The following MPP7 variants were observed in gnomAD, a reference collection of about 807,000 sequenced individuals.
MPP7 encodes the protein MAGUK p55 scaffold protein 7.
In MPP7, 60 loss-of-function variants were observed where a neutral mutation model predicts 76.5. That is an observed-to-expected ratio of 0.78 (90% CI 0.64 to 0.97). The LOEUF is 0.97. Ranked by LOEUF, MPP7 falls within the 50% of genes least tolerant of loss-of-function variation. The pLI, the probability that MPP7 is intolerant of heterozygous loss-of-function variation, is 0.00. For synonymous variants in MPP7, 237 were observed against 244.5 expected, an observed-to-expected ratio of 0.97 and a Z score of 0.29; for missense variants, 641 against 694.0, an observed-to-expected ratio of 0.92 and a Z score of 0.86.
At chr10:28,118,065 C>T (rs539988437) in intron 11 of MPP7, 113 of 962,566 alleles carry the variant, frequency 1.2e-4, no homozygotes, top group South Asian at 1.1e-3. Flanking sequence ...AAGATAAATG[C>T]TAGAATAAAT....
At chr10:28,306,849 G>T (rs1841261211), upstream of MPP7, among the ~76,000 whole-genome samples, 1 of 152,128 alleles carries the variant, frequency 6.6e-6, no homozygotes, top group Non-Finnish European at 1.5e-5. Flanking sequence ...AAAGCCAGGA[G>T]GAACTCAATG....
At chr10:28,078,392 G>A (rs1852596760) in intron 12 of MPP7, among the ~76,000 whole-genome samples, 1 of 152,208 alleles carries the variant, frequency 6.6e-6, no homozygotes, top group Admixed American at 6.5e-5. Context: ...GACCAGGCCT[G>A]GGCCACAGAC....
At chr10:28,135,154 T>C (rs1194903577) in intron 5 of MPP7, among the ~76,000 whole-genome samples, 1 of 151,918 alleles carries the variant, frequency 6.6e-6, no homozygotes, top group Non-Finnish European at 1.5e-5. Flanking sequence ...CAGGCTGTGA[T>C]GGGGAAAAAG....
intron 12 of MPP7, among the ~76,000 whole-genome samples, chr10:28,077,677 C>CT (rs1208694422): frequency 6.6e-6 from 1 of 152,176 alleles, no homozygotes; most frequent in African/African-American, 2.4e-5. Context: ...TACGCCTCTG[C>CT]AATAGGATAG....
At chr10:28,118,561 G>C in intron 11 of MPP7, 1 of 985,408 alleles carries the variant, frequency 1.0e-6, no homozygotes, top group Non-Finnish European at 1.2e-6. Context: ...GAGTTGGCCA[G>C]TGAAAAGTCA....
chr10:28,056,248 C>T (rs1393188273), intron 16 of MPP7, among the ~76,000 whole-genome samples: 1 of 151,962 alleles, frequency 6.6e-6, no homozygotes, highest in Non-Finnish European at 1.5e-5. Flanking sequence ...CTCTCAGTCT[C>T]CTGGGGTCTT....
intron 1 of MPP7, among the ~76,000 whole-genome samples, chr10:28,300,143 T>G (rs970911477): frequency 3.3e-5 from 5 of 152,202 alleles, no homozygotes; most frequent in Admixed American, 1.3e-4. Flanking sequence ...AGTACCTTTG[T>G]ATCTTTGTCA....
chr10:28,201,433 T>C (rs1250496295), intron 3 of MPP7, among the ~76,000 whole-genome samples: 2 of 152,170 alleles, frequency 1.3e-5, no homozygotes, highest in African/African-American at 4.8e-5. Context: ...ACTCTAAATT[T>C]CTTTCAGCTT....
chr10:28,172,641 A>G (rs1836721945), intron 3 of MPP7, among the ~76,000 whole-genome samples: 1 of 152,224 alleles, frequency 6.6e-6, no homozygotes, highest in Admixed American at 6.5e-5. Flanking sequence ...TAAAGCATGA[A>G]AGAACTCGAT....
chr10:28,132,185 T>C (rs527868351), intron 5 of MPP7, among the ~76,000 whole-genome samples: 1 of 152,326 alleles, frequency 6.6e-6, no homozygotes, highest in South Asian at 2.1e-4. Flanking sequence ...TTTTGTCTTT[T>C]TCCTCACTTT....
chr10:28,220,005 A>T (rs1170521629), intron 2 of MPP7, among the ~76,000 whole-genome samples: 1 of 152,172 alleles, frequency 6.6e-6, no homozygotes, highest in African/African-American at 2.4e-5. Flanking sequence ...TCAACTGCAA[A>T]TAACTTATTA....
At position 28,110,633 on chromosome 10, in the gene MPP7, G is replaced by A. The variant is rs1834477298; in HGVS notation, c.952+9018C>T. Among the ~76,000 whole-genome samples the A allele has an allele frequency of 2.0e-5, 3 of 152,090 alleles. No homozygotes were observed. In the South Asian group the frequency reaches 6.2e-4, roughly 32 times the overall value. ...ACTGATAAAAACATTTGTAAAGTAA[G>A]CAATGTGCTAGTATTTTTAAGTCAC... On this transcript the variant is annotated intron_variant, in intron 11 of 16. Coordinates refer to ENST00000683449, the MANE Select transcript of MPP7 (RefSeq NM_001318170.2).
At chr10:28,167,080 G>A (rs1052351334) in intron 3 of MPP7, among the ~76,000 whole-genome samples, 27 of 152,094 alleles carry the variant, frequency 1.8e-4, no homozygotes, top group Admixed American at 2.0e-4. Flanking sequence ...GGAGGCCAAG[G>A]AGGGCGGATT....
At chr10:28,210,630 C>G (rs1196399965) in intron 2 of MPP7, among the ~76,000 whole-genome samples, 3 of 152,142 alleles carry the variant, frequency 2.0e-5, no homozygotes, top group Admixed American at 1.3e-4. Flanking sequence ...ATTAAAGGAA[C>G]TAATTGCAAA....
At chr10:28,202,384 C>T (rs11598304) in intron 2 of MPP7, 113 bp from the exon 3 acceptor site, 159,627 of 673,774 alleles carry the variant, frequency 0.24, 22,300 homozygotes, top group Non-Finnish European at 0.3. Flanking sequence ...ATTTGTATTC[C>T]GGGCCATCAA....
chr10:28,327,260 T>C (rs1345872481), intron 2 of MPP7, among the ~76,000 whole-genome samples: 1 of 149,988 alleles, frequency 6.7e-6, no homozygotes, highest in African/African-American at 2.5e-5. Context: ...AAAAAAAGTC[T>C]TAACTGTGAG....
At chr10:28,280,535 A>G (rs1382656374) in intron 1 of MPP7, among the ~76,000 whole-genome samples, 1 of 152,114 alleles carries the variant, frequency 6.6e-6, no homozygotes, top group Non-Finnish European at 1.5e-5. Context: ...ACCCATGCAT[A>G]CAGGGGCCTG....
chr10:28,303,050 C>G lies in MPP7; in HGVS notation c.-321G>C, dbSNP rs1278710851. Among the ~76,000 whole-genome samples the G allele has an allele frequency of 1.3e-5, 2 of 150,126 alleles. No individual in the cohort carries two copies. The highest frequency in any genetic ancestry group is 3.0e-5 in the Non-Finnish European group (2 of 66,866). ...GGGAGCCCGGCCCCCGCCTCCAGCC[C>G]GGCTAGTAACCAACACGGCCCCCAC... On this transcript the variant is annotated 5_prime_UTR_variant, in exon 1 of 17. Transcript: ENST00000683449.
intron 1 of MPP7, among the ~76,000 whole-genome samples, chr10:28,272,391 TAG>T (rs2133039653): frequency 6.6e-6 from 1 of 152,358 alleles, no homozygotes; most frequent in South Asian, 2.1e-4. Flanking sequence ...TTACTTTTAA[TAG>T]TTTTACTTAT....
Sources: allele counts gnomAD v4.1 joint callset (sites outside exome capture counted in the v4.1 genomes callset), GRCh38; gene constraint gnomAD v4.1.1; transcripts MANE v1.5; gene names NCBI Gene and HGNC (gene_info 2026-07-23, HGNC 2026-07-21).